SALL1: variants seen among roughly 807,000 people sequenced by gnomAD.
SALL1 encodes sal-like protein 1.
Under a neutral mutation model 73.1 loss-of-function variants are expected in SALL1, and 10 were observed. That is an observed-to-expected ratio of 0.14 (90% CI 0.08 to 0.23). SALL1 has a LOEUF of 0.23. Among genes scored for constraint, SALL1 ranks in the 10% least tolerant of loss-of-function variants. The pLI is 1.00. For missense variants in SALL1, 1,520 were observed against 1,697.3 expected (o/e 0.90, Z 1.84); for synonymous variants, 688 against 689.8 (o/e 1.00, Z 0.04).
chr16:51,139,482 C>A lies in SALL1; in HGVS notation c.2740G>T (p.Ala914Ser). 1 of 1,614,228 alleles carries A rather than the reference C, an allele frequency of 6.2e-7. No individual in the cohort carries two copies. The highest frequency in any genetic ancestry group is 8.5e-7 in the Non-Finnish European group (1 of 1,180,046). Reference sequence around the variant, plus strand: ...GACTCTGAGATGGCTGGGCTGCCAGCACTTTGGCTTTCCATGTCACCACCC... The same window carrying A: ...GACTCTGAGATGGCTGGGCTGCCAGAACTTTGGCTTTCCATGTCACCACCC... ...SVGGDMESQS[A>S]GSPAISESTS... Residue 914 changes from alanine (A) to serine (S), a missense_variant, in exon 2 of 3, where the codon GCT becomes TCT. By Grantham distance (99) the Ala-to-Ser change is moderately conservative (BLOSUM62 1). Transcript: ENST00000251020.
upstream of SALL1, among the ~76,000 whole-genome samples, chr16:51,151,812 G>A (rs1365612876): frequency 2.0e-5 from 3 of 151,034 alleles, no homozygotes; most frequent in Non-Finnish European, 4.4e-5. Flanking sequence ...GAGCCGCCCC[G>A]GGTGGGGGGT....
intron 2 of SALL1, 135 bp downstream of exon 2, chr16:51,138,553 T>C: frequency 4.3e-6 from 5 of 1,172,164 alleles, no homozygotes; most frequent in Non-Finnish European, 5.9e-6. Flanking sequence ...CCGTCAACCA[T>C]GTGCAGCAGG....
chr16:51,142,428 G>A (rs946542962), intron 1 of SALL1, among the ~76,000 whole-genome samples: 1 of 152,082 alleles, frequency 6.6e-6, no homozygotes, highest in African/African-American at 2.4e-5. Context: ...AAATTCCATA[G>A]CAAAATATTG....
intron 1 of SALL1, among the ~76,000 whole-genome samples, chr16:51,146,013 T>C (rs1186604998): frequency 5.2e-5 from 6 of 114,980 alleles, no homozygotes; most frequent in East Asian, 2.9e-4. Context: ...TTTTTTTTTT[T>C]CTGCATCGAC....
rs864621971 is a variant in SALL1, at chr16:51,141,273, G to T, written c.949C>A (p.Pro317Thr). The stretch of plus-strand genomic sequence containing the variant: ...CTGCTCTGAGGTAGCTGGATTGGGG[G>T]TAGCTGTTTCACACCACTAATGCTG... ...SASISGVKQL[P>T]PIQLPQSSSG... The change falls in exon 2 of 3, where the codon CCC (proline) becomes ACC (threonine). Residue 317 changes from proline (P) to threonine (T), a missense_variant. Pro to Thr is a conservative substitution (Grantham distance 38, BLOSUM62 -1). Coordinates refer to ENST00000251020, the MANE Select transcript of SALL1 (RefSeq NM_002968.3). This position sits in a 1 kb window ranked among gnomAD's most constrained non-coding sequence, Gnocchi z 5.4. 1 of 1,614,138 alleles carries T rather than the reference G, an allele frequency of 6.2e-7. No homozygotes were observed. The highest frequency in any genetic ancestry group is 8.5e-7 in the Non-Finnish European group (1 of 1,180,032).
rs1239088376 is a variant in SALL1, at chr16:51,139,579, T to C, written c.2643A>G (p.Leu881=). The C allele has an allele frequency of 3.0e-5, 48 of 1,614,014 alleles. No individual in the cohort carries two copies. The highest frequency in any genetic ancestry group is 3.8e-5 in the Non-Finnish European group (45 of 1,179,964). Residue 881 remains leucine, a synonymous_variant, in exon 2 of 3, where the codon CTA becomes CTG. Coordinates refer to ENST00000251020, the MANE Select transcript of SALL1 (RefSeq NM_002968.3). ...KMINAGLAEQ[L]QASLKSVENG... ...TCTCCACTGACTTCAGGCTGGCCTG[T>C]AGCTGCTCTGCCAGGCCAGCATTGA...
rs150239531 is a variant in SALL1 at position 51,151,212 on chromosome 16, T to C, written c.30A>G (p.Gln10=). The C allele has an allele frequency of 6.2e-7, 1 of 1,602,512 alleles. No homozygotes were observed. Among genetic ancestry groups the C allele is most frequent in the Non-Finnish European group, 8.5e-7 (1 of 1,175,714 alleles). The change falls in exon 1 of 3, where the codon CAA becomes CAG. Residue 10 remains glutamine (Q), a synonymous_variant. Transcript: ENST00000251020. MSRRKQAKP[Q]HFQSDPEVAS... is the part of the protein sequence containing the mutation. ...CCACTTCGGGGTCGGATTGGAAATG[T>C]TGAGGCTTCGCTTGCTTCCTCCGCG...
Position 51,151,203 on chromosome 16 carries a change from T to C in SALL1, c.39A>G (p.Gln13=), listed in dbSNP as rs768989589. ...RRKQAKPQHF[Q]SDPEVASLPR... ...GGAGCGAGGCCACTTCGGGGTCGGA[T>C]TGGAAATGTTGAGGCTTCGCTTGCT... The change falls in exon 1 of 3, where the codon CAA becomes CAG. Residue 13 remains glutamine, a synonymous_variant. Transcript: ENST00000251020. The C allele has an allele frequency of 7.2e-5, 116 of 1,602,252 alleles. 1 individual carries two copies. The Admixed American group carries it at 1.8e-3, about 25-fold the overall frequency.
chr16:51,151,081 G>A, intron 1 of SALL1, 85 bp downstream of exon 1: 1 of 954,032 alleles, frequency 1.0e-6, no homozygotes, highest in Non-Finnish European at 1.5e-6. Flanking sequence ...AGGGGGCGCG[G>A]GGGCCAGCCG....
Position 51,140,399 on chromosome 16 carries a change from A to G in SALL1, c.1823T>C (p.Leu608Pro). ...AGTGGACCCTTCGGCTTCCTCTGGG[A>G]GCCCACCTAGGTTTCTTGTGGCTGA... Reference protein sequence around the residue: ...PESATRNLGGLPEEAEGSTLP... With the variant: ...PESATRNLGGPPEEAEGSTLP... Residue 608 changes from leucine (L) to proline (P), a missense_variant, in exon 2 of 3, where the codon CTC (leucine) becomes CCC (proline). Transcript: ENST00000251020. This position sits in a 1 kb window ranked among gnomAD's most constrained non-coding sequence, Gnocchi z 5.7. The G allele has an allele frequency of 6.2e-7, 1 of 1,614,000 alleles. No homozygotes were observed. Among genetic ancestry groups the G allele is most frequent in the South Asian group, 1.1e-5 (1 of 91,066 alleles).
Position 51,136,278 on chromosome 16 carries a change from C to A in SALL1, c.*834G>T, listed in dbSNP as rs1962296191. 1 of 152,656 alleles carries A rather than the reference C, an allele frequency of 6.6e-6. No homozygotes were observed. Among genetic ancestry groups the A allele is most frequent in the African/African-American group, 2.4e-5 (1 of 41,476 alleles). The allele number at this position is 152,656 out of a possible 1,614,324, so 9.5% of individuals were successfully genotyped here. ...TACAAGAGCATCTACATTTTCTCCA[C>A]TGAAGGTTGTTCAAGATGCTATACT... On this transcript the variant is annotated 3_prime_UTR_variant, in exon 3 of 3. Transcript: ENST00000251020.
chr16:51,141,417 T>A lies in SALL1; in HGVS notation c.805A>T (p.Ser269Cys). Residue 269 changes from serine (S) to cysteine (C), a missense_variant, in exon 2 of 3, where the codon AGT becomes TGT. Physicochemically the swap from Ser to Cys is moderately radical, Grantham distance 112. Coordinates refer to ENST00000251020, the MANE Select transcript of SALL1 (RefSeq NM_002968.3). This position sits in a 1 kb window ranked among gnomAD's most constrained non-coding sequence, Gnocchi z 5.4. ...GTTCGTAAAGTACCTTGAGAAGGAC[T>A]AGAAGATGTTGGCAAGTCTGCATTC... is the stretch of plus-strand genomic sequence containing the variant. ...SQNADLPTSS[S>C]PSQGTLRTSA... The A allele has an allele frequency of 6.2e-7, 1 of 1,614,126 alleles. No homozygotes were observed. Among genetic ancestry groups the A allele is most frequent in the Non-Finnish European group, 8.5e-7 (1 of 1,180,018 alleles).
Position 51,140,205 on chromosome 16 carries a change from T to C in SALL1, c.2017A>G (p.Lys673Glu). 6.2e-7 allele frequency: 1 copy of C among 1,614,162 alleles called. No homozygotes were observed. The highest frequency in any genetic ancestry group is 8.5e-7 in the Non-Finnish European group (1 of 1,180,044). The stretch of plus-strand genomic sequence containing the variant: ...TCCAGGAGTCCCCCAAAAGGAAACT[T>C]GGCCTTGAACTGCTCGGACATGAGC... ...LPLMSEQFKA[K>E]FPFGGLLDSA... Residue 673 changes from lysine to glutamate, a missense_variant, in exon 2 of 3, where the codon AAG (lysine) becomes GAG (glutamate). Physicochemically the swap from Lys to Glu is moderately conservative, Grantham distance 56 (BLOSUM62 1). Transcript: ENST00000251020. The surrounding 1 kb of genome is among the most constrained non-coding windows in gnomAD (Gnocchi z 5.7).
At position 51,140,705 on chromosome 16, in the gene SALL1, A is replaced by T. The variant is rs1466517982; in HGVS notation, c.1517T>A (p.Ile506Asn). ...FQRHKEKYPHIQMNPYPVPEH... is the reference protein window; with the variant it reads ...FQRHKEKYPHNQMNPYPVPEH... ...AGGCACAGGATAGGGGTTCATCTGG[A>T]TATGAGGGTATTTCTCTTTGTGGCG... The change falls in exon 2 of 3, where the codon ATC (isoleucine) becomes AAC (asparagine). Residue 506 changes from isoleucine to asparagine, a missense_variant. Ile to Asn is a moderately radical substitution (Grantham distance 149). Around this residue, in one of 7 missense-constraint regions of SALL1, gnomAD observed 276 missense variants for 259.1 expected, o/e 1.07. Transcript: ENST00000251020. The surrounding 1 kb of genome is among the most constrained non-coding windows in gnomAD (Gnocchi z 5.7). The T allele has an allele frequency of 6.2e-7, 1 of 1,614,104 alleles. No homozygotes were observed. Among genetic ancestry groups the T allele is most frequent in the Non-Finnish European group, 8.5e-7 (1 of 1,180,034 alleles).
Position 51,141,823 on chromosome 16 carries a change from G to T in SALL1, c.399C>A (p.Asn133Lys), listed in dbSNP as rs746695295. 4.3e-6 allele frequency: 7 copies of T among 1,613,920 alleles called. No individual in the cohort carries two copies. Among genetic ancestry groups the T allele is most frequent in the Non-Finnish European group, 5.9e-6 (7 of 1,180,028 alleles). Residue 133 changes from asparagine to lysine, a missense_variant, in exon 2 of 3, where the codon AAC (asparagine) becomes AAA (lysine). Physicochemically the swap from Asn to Lys is moderately conservative, Grantham distance 94. Coordinates refer to ENST00000251020, the MANE Select transcript of SALL1 (RefSeq NM_002968.3). This position sits in a 1 kb window ranked among gnomAD's most constrained non-coding sequence, Gnocchi z 5.4. ...CGCTGGAAGTGCCGCTGCCGCTTTT[G>T]TTAGCAACCGGGGCCTCCACCTCCA... ...ESMEVEAPVA[N>K]KSGSGTSSGS...
chr16:51,149,364 C>G (rs1962562471), intron 1 of SALL1: 1 of 152,120 alleles, frequency 6.6e-6, no homozygotes, highest in African/African-American at 2.4e-5. Flanking sequence ...TTAACCTGAA[C>G]AGTTTTCCGG....
Position 51,139,757 on chromosome 16 carries a change from T to A in SALL1, c.2465A>T (p.Asp822Val), listed in dbSNP as rs1162433037. The A allele has an allele frequency of 6.2e-7, 1 of 1,614,180 alleles. No homozygotes were observed. The highest frequency in any genetic ancestry group is 8.5e-7 in the Non-Finnish European group (1 of 1,180,032). The change falls in exon 2 of 3, where the codon GAC becomes GTC. Residue 822 changes from aspartate to valine, a missense_variant. Physicochemically the swap from Asp to Val is radical, Grantham distance 152. Coordinates refer to ENST00000251020, the MANE Select transcript of SALL1 (RefSeq NM_002968.3). ...TTCCATGTTTTCATCAGAGAAGTTG[T>A]CTAGGTCATCAAAATTTTTCTCATC... ...SFDEKNFDDL[D>V]NFSDENMEDC...
chr16:51,146,254 TAAC>T (rs534261991), intron 1 of SALL1, among the ~76,000 whole-genome samples: 4 of 152,062 alleles, frequency 2.6e-5, no homozygotes, highest in South Asian at 4.1e-4. Flanking sequence ...TCTGAAAAAA[TAAC>T]AACATGGACG....
At position 51,141,831 on chromosome 16, in the gene SALL1, C is replaced by G; in HGVS notation, c.391G>C (p.Val131Leu). The G allele has an allele frequency of 6.2e-7, 1 of 1,613,878 alleles. No individual in the cohort carries two copies. The highest frequency in any genetic ancestry group is 8.5e-7 in the Non-Finnish European group (1 of 1,180,036). ...REESMEVEAP[V>L]ANKSGSGTSS... ...GTGCCGCTGCCGCTTTTGTTAGCAA[C>G]CGGGGCCTCCACCTCCATGGACTCT... Residue 131 changes from valine (V) to leucine (L), a missense_variant, in exon 2 of 3, where the codon GTT becomes CTT. By Grantham distance (32) the Val-to-Leu change is conservative (BLOSUM62 1). Around this residue, in one of 7 missense-constraint regions of SALL1, gnomAD observed 540 missense variants for 567.5 expected, o/e 0.95. Transcript: ENST00000251020. This position sits in a 1 kb window ranked among gnomAD's most constrained non-coding sequence, Gnocchi z 5.4.
Sources: allele counts gnomAD v4.1 joint callset (sites outside exome capture counted in the v4.1 genomes callset), GRCh38; gene constraint gnomAD v4.1.1; regional missense constraint gnomAD v4.1.1; non-coding constraint Gnocchi (gnomAD v3.1); transcripts MANE v1.5; gene names NCBI Gene and HGNC (gene_info 2026-07-23, HGNC 2026-07-21).